Variants in FHIT observed in about 807,000 individuals in gnomAD.
The protein encoded by FHIT is bis(5'-adenosyl)-triphosphatase.
In FHIT, 19 loss-of-function variants were observed where a neutral mutation model predicts 17.9. The ratio of observed to expected loss-of-function variants is 1.06; its 90% confidence interval spans 0.74 to 1.56. The LOEUF is 1.56. Ranked by LOEUF, FHIT falls within the 40% of genes most tolerant of loss-of-function variation. The probability of loss-of-function intolerance (pLI) is 0.00; values close to 1 mark genes in which losing one functional copy is unlikely to be tolerated. For synonymous variants in FHIT, 81 were observed against 69.7 expected, an observed-to-expected ratio of 1.16 and a Z score of -0.81; for missense variants, 248 against 189.2, an observed-to-expected ratio of 1.31 and a Z score of -1.82.
At chr3:59,792,796 CATT>C (rs1374382903) in intron 8 of FHIT, among the ~76,000 whole-genome samples, 1 of 149,962 alleles carries the variant, frequency 6.7e-6, no homozygotes, top group Non-Finnish European at 1.5e-5. Flanking sequence ...GTCCATCTAT[CATT>C]ATTTCTATAT....
At chr3:60,876,532 A>G (rs2107099977) in intron 3 of FHIT, among the ~76,000 whole-genome samples, 1 of 152,332 alleles carries the variant, frequency 6.6e-6, no homozygotes, top group East Asian at 1.9e-4. Context: ...AAGTATTCGA[A>G]GTGTTTACAA....
chr3:61,068,953 A>C (rs193086440), intron 2 of FHIT, among the ~76,000 whole-genome samples: 11 of 152,330 alleles, frequency 7.2e-5, no homozygotes, highest in African/African-American at 2.4e-4. Context: ...GACTAGATTA[A>C]TCAGCTCTTG....
At chr3:60,746,805 G>A (rs782493074) in intron 4 of FHIT, among the ~76,000 whole-genome samples, 1 of 152,156 alleles carries the variant, frequency 6.6e-6, no homozygotes, top group Non-Finnish European at 1.5e-5. Context: ...AACGTGGCTT[G>A]AATTAGATAT....
intron 5 of FHIT, among the ~76,000 whole-genome samples, chr3:60,134,425 T>C (rs1391730744): frequency 2.0e-5 from 3 of 152,212 alleles, no homozygotes; most frequent in Non-Finnish European, 4.4e-5. Context: ...TTATAATTCA[T>C]CCAATAAGCT....
At chr3:60,216,366 A>AT (rs1703696885) in intron 5 of FHIT, among the ~76,000 whole-genome samples, 1 of 152,180 alleles carries the variant, frequency 6.6e-6, no homozygotes, top group African/African-American at 2.4e-5. Flanking sequence ...ACTAATACAG[A>AT]TAAGAGCTAA....
intron 4 of FHIT, among the ~76,000 whole-genome samples, chr3:60,669,692 T>G (rs2040467325): frequency 2.0e-5 from 3 of 152,038 alleles, no homozygotes; most frequent in African/African-American, 7.2e-5. Context: ...CAAATAGACC[T>G]CACGAAAACA....
intron 3 of FHIT, among the ~76,000 whole-genome samples, chr3:60,852,733 G>A (rs1184823832): frequency 6.6e-6 from 1 of 152,030 alleles, no homozygotes; most frequent in African/African-American, 2.4e-5. Context: ...TTGAAAAAAA[G>A]AAATATTCCT....
At chr3:60,570,093 G>C (rs537151770) in intron 4 of FHIT, among the ~76,000 whole-genome samples, 107 of 152,158 alleles carry the variant, frequency 7.0e-4, no homozygotes, top group African/African-American at 2.4e-3. Context: ...ATGGCGGTGG[G>C]ACACAGACAT....
chr3:59,791,542 C>G (rs563622581), intron 8 of FHIT, among the ~76,000 whole-genome samples: 9 of 152,158 alleles, frequency 5.9e-5, no homozygotes, highest in African/African-American at 1.7e-4. Flanking sequence ...TAAACTCGTT[C>G]TCATTCTCTT....
chr3:61,162,943 C>A (rs1264874221), intron 2 of FHIT, among the ~76,000 whole-genome samples: 1 of 152,132 alleles, frequency 6.6e-6, no homozygotes, highest in Non-Finnish European at 1.5e-5. Context: ...TATAAGTTGA[C>A]CTAATCTTTA....
intron 5 of FHIT, among the ~76,000 whole-genome samples, chr3:60,424,281 A>G (rs1185880525): frequency 6.6e-6 from 1 of 152,270 alleles, no homozygotes; most frequent in Non-Finnish European, 1.5e-5. Flanking sequence ...CTGCGTCTCA[A>G]TACAGAGAGC....
chr3:60,415,582 T>C (rs1702216483), intron 5 of FHIT, among the ~76,000 whole-genome samples: 1 of 152,124 alleles, frequency 6.6e-6, no homozygotes, highest in Non-Finnish European at 1.5e-5. Context: ...TATTCACAGG[T>C]GCTGGACAAC....
intron 1 of FHIT, among the ~76,000 whole-genome samples, chr3:61,208,225 T>G (rs1375366793): frequency 6.6e-6 from 1 of 152,050 alleles, no homozygotes; most frequent in Non-Finnish European, 1.5e-5. Flanking sequence ...GAGGAGTGCT[T>G]TACTTCCAAC....
At chr3:60,459,060 G>A (rs1315712277) in intron 5 of FHIT, among the ~76,000 whole-genome samples, 1 of 152,074 alleles carries the variant, frequency 6.6e-6, no homozygotes. Context: ...GGGATTACAA[G>A]CATGAGCCAC....
intron 5 of FHIT, among the ~76,000 whole-genome samples, chr3:60,191,192 T>C (rs542833785): frequency 2.0e-5 from 3 of 152,140 alleles, no homozygotes; most frequent in Admixed American, 6.5e-5. Flanking sequence ...GTGTATACTA[T>C]ACAGCTTTGG....
At chr3:59,928,152 T>C in intron 7 of FHIT, among the ~76,000 whole-genome samples, 1 of 152,198 alleles carries the variant, frequency 6.6e-6, no homozygotes, top group Non-Finnish European at 1.5e-5. Flanking sequence ...AATGAGCAAC[T>C]GCAGAAGGCA....
intron 8 of FHIT, among the ~76,000 whole-genome samples, chr3:59,882,475 C>T (rs1410228630): frequency 8.4e-5 from 1 of 11,926 alleles, no homozygotes; most frequent in African/African-American, 1.7e-4. Flanking sequence ...TTTAGAAATC[C>T]CTGAGGTGGT....
At position 60,801,135 on chromosome 3, in the gene FHIT, A is replaced by G. The variant is rs1575542448; in HGVS notation, c.-18+20784T>C. Among the ~76,000 whole-genome samples, 3 of 152,308 alleles carry G rather than the reference A, an allele frequency of 2.0e-5. No individual in the cohort carries two copies. The South Asian group carries it at 6.2e-4, about 32-fold the overall frequency. On this transcript the variant is annotated intron_variant, in intron 4 of 9. Transcript: ENST00000492590. ...GAGAAAACTTACATGCTTCAGATGTATATGTATAATGTGCTTCAGACATGT... is the reference window on the plus strand; with the variant it reads ...GAGAAAACTTACATGCTTCAGATGTGTATGTATAATGTGCTTCAGACATGT...
At chr3:61,008,171 G>C (rs754724049) in intron 3 of FHIT, among the ~76,000 whole-genome samples, 1 of 152,186 alleles carries the variant, frequency 6.6e-6, no homozygotes, top group South Asian at 2.1e-4. Flanking sequence ...TTACAGAACA[G>C]ACAGGCATAC....
Sources: gnomAD v4.1 joint callset for allele counts (sites outside exome capture counted in the v4.1 genomes callset) on GRCh38, gnomAD v4.1.1 for gene constraint, MANE v1.5 for transcripts, NCBI Gene and HGNC (gene_info 2026-07-23, HGNC 2026-07-21) for gene names.